Variants in ENOX1 observed in about 807,000 individuals in gnomAD.
The protein encoded by ENOX1 is ecto-NOX disulfide-thiol exchanger 1, also known as candidate growth-related and time keeping constitutive hydroquinone (NADH) oxidase.
ENOX1 carries 42 observed loss-of-function variants against 82.5 expected under a neutral mutation model. The ratio of observed to expected loss-of-function variants is 0.51; its 90% CI spans 0.40 to 0.66. The LOEUF is 0.66. Among genes scored for constraint, ENOX1 ranks in the 30% least tolerant of loss-of-function variants. The pLI is 0.00. For missense variants in ENOX1, 608 were observed against 811.6 expected, an observed-to-expected ratio of 0.75 and a Z score of 3.05; for synonymous variants, 271 against 282.2, an observed-to-expected ratio of 0.96 and a Z score of 0.40.
chr13:43,676,426 T>G (rs1470032891), intron 1 of ENOX1, among the ~76,000 whole-genome samples: 1 of 152,166 alleles, frequency 6.6e-6, no homozygotes, highest in Admixed American at 6.5e-5. Context: ...CACTTTCATT[T>G]TTCATCTACC....
chr13:43,533,609 T>C (rs557903819), intron 2 of ENOX1, among the ~76,000 whole-genome samples: 2 of 152,290 alleles, frequency 1.3e-5, no homozygotes, highest in South Asian at 4.1e-4. Context: ...CTAGACTTCT[T>C]AAATCAGATT....
At chr13:43,310,593 C>T (rs900293206) in intron 11 of ENOX1, among the ~76,000 whole-genome samples, 3 of 152,054 alleles carry the variant, frequency 2.0e-5, no homozygotes, top group Non-Finnish European at 4.4e-5. Flanking sequence ...GATCCAGCAT[C>T]AATTACAATA....
chr13:43,519,847 C>T (rs1008808122), intron 2 of ENOX1, among the ~76,000 whole-genome samples: 1 of 152,172 alleles, frequency 6.6e-6, no homozygotes, highest in Admixed American at 6.5e-5. Context: ...TCAAAGCCCT[C>T]GTCAAGTTTC....
intron 7 of ENOX1, among the ~76,000 whole-genome samples, chr13:43,357,876 G>A (rs2050249444): frequency 6.6e-6 from 1 of 152,190 alleles, no homozygotes; most frequent in Non-Finnish European, 1.5e-5. Context: ...AACAGGAGGG[G>A]CCGCCTGACT....
chr13:43,475,809 A>AG (rs1242076728), intron 3 of ENOX1, among the ~76,000 whole-genome samples: 1 of 151,120 alleles, frequency 6.6e-6, no homozygotes, highest in Non-Finnish European at 1.5e-5. Flanking sequence ...AAAAAAAAAA[A>AG]AAAAAAGAAA....
At chr13:43,749,236 G>C (rs1295148272) in intron 1 of ENOX1, among the ~76,000 whole-genome samples, 2 of 152,228 alleles carry the variant, frequency 1.3e-5, no homozygotes, top group East Asian at 3.9e-4. Context: ...CTATTTGCAT[G>C]AATGTATTTG....
At chr13:43,663,443 C>T (rs1461188014) in intron 2 of ENOX1, among the ~76,000 whole-genome samples, 1 of 152,184 alleles carries the variant, frequency 6.6e-6, no homozygotes, top group Non-Finnish European at 1.5e-5. Flanking sequence ...AATGTTCTCT[C>T]TCTACCACTC....
At chr13:43,714,334 C>G (rs367705450) in intron 1 of ENOX1, among the ~76,000 whole-genome samples, 2 of 152,004 alleles carry the variant, frequency 1.3e-5, no homozygotes, top group African/African-American at 4.8e-5. Flanking sequence ...TTACTTCCAA[C>G]TATGTGGTCA....
chr13:43,708,817 T>C (rs573738707), intron 1 of ENOX1, among the ~76,000 whole-genome samples: 2 of 152,088 alleles, frequency 1.3e-5, no homozygotes, highest in Non-Finnish European at 2.9e-5. Flanking sequence ...TTTATGACAT[T>C]AGGATGGTAA....
intron 5 of ENOX1, among the ~76,000 whole-genome samples, chr13:43,373,822 A>C (rs184158197): frequency 2.0e-4 from 30 of 152,358 alleles, no homozygotes; most frequent in Admixed American, 2.0e-3. Flanking sequence ...TTCAGAGGGA[A>C]TAATTTAACT....
At chr13:43,595,879 C>T (rs4126750) in intron 2 of ENOX1, among the ~76,000 whole-genome samples, 15,077 of 152,138 alleles carry the variant, frequency 0.099, 772 homozygotes, top group Admixed American at 0.12. Context: ...AGTCATGTTA[C>T]GAGAAAATAA....
At chr13:43,363,919 CAGTATGAGG>C in intron 5 of ENOX1, among the ~76,000 whole-genome samples, 1 of 152,206 alleles carries the variant, frequency 6.6e-6, no homozygotes, top group Non-Finnish European at 1.5e-5. Flanking sequence ...TCTGAGACAT[CAGTATGAGG>C]AGACTATGAG....
At chr13:43,247,875 A>G (rs1272104909) in intron 14 of ENOX1, among the ~76,000 whole-genome samples, 1 of 8,144 alleles carries the variant, frequency 1.2e-4, no homozygotes, top group African/African-American at 3.3e-4. Context: ...ATATATATAT[A>G]TATATATATT....
chr13:43,509,972 T>TA (rs1593553827), intron 2 of ENOX1, among the ~76,000 whole-genome samples: 1 of 151,924 alleles, frequency 6.6e-6, no homozygotes, highest in Non-Finnish European at 1.5e-5. Context: ...TTTAGCAAAA[T>TA]TAGGGCTCAG....
rs1345478015 is a variant in ENOX1 at position 43,628,504 on chromosome 13, AT to A, written c.-219+38974del. The stretch of plus-strand genomic sequence containing the variant: ...TTTCTATTTCTTTGCTGAGCTTTCT[AT>A]TTTTGCATTTATTTCAAGTGTAATT... On this transcript the variant is annotated intron_variant, in intron 2 of 16. Coordinates refer to ENST00000690772, the MANE Select transcript of ENOX1 (RefSeq NM_001347969.2). Among the ~76,000 whole-genome samples, 3 of 151,930 alleles carry A rather than the reference AT, an allele frequency of 2.0e-5. No homozygotes were observed. In the East Asian group the frequency reaches 5.8e-4, roughly 29 times the overall value.
intron 14 of ENOX1, among the ~76,000 whole-genome samples, chr13:43,262,297 T>A (rs2044118843): frequency 6.6e-6 from 1 of 152,178 alleles, no homozygotes; most frequent in Non-Finnish European, 1.5e-5. Flanking sequence ...ACATAGTGGT[T>A]TTAAAAACAC....
intron 2 of ENOX1, among the ~76,000 whole-genome samples, chr13:43,521,745 C>G (rs2077778541): frequency 6.6e-6 from 1 of 152,146 alleles, no homozygotes; most frequent in Non-Finnish European, 1.5e-5. Flanking sequence ...GTAAGCCTAA[C>G]TCTTCTACTG....
chr13:43,299,638 C>T (rs2046464273), intron 11 of ENOX1, among the ~76,000 whole-genome samples: 1 of 152,150 alleles, frequency 6.6e-6, no homozygotes, highest in Non-Finnish European at 1.5e-5. Flanking sequence ...TTAGTTCTTA[C>T]CAGGCTGTTC....
At chr13:43,368,513 G>A (rs1311716055) in intron 5 of ENOX1, among the ~76,000 whole-genome samples, 5 of 152,238 alleles carry the variant, frequency 3.3e-5, no homozygotes, top group African/African-American at 1.2e-4. Context: ...TGAGTGAGCA[G>A]GAGGTAAGCG....
Sources: allele counts gnomAD v4.1 joint callset (sites outside exome capture counted in the v4.1 genomes callset), GRCh38; gene constraint gnomAD v4.1.1; transcripts MANE v1.5; gene names NCBI Gene and HGNC (gene_info 2026-07-23, HGNC 2026-07-21).